The following ARHGAP25 variants were observed in gnomAD, a reference collection of about 807,000 sequenced individuals.
The protein encoded by ARHGAP25 is Rho GTPase activating protein 25.
In ARHGAP25, 34 loss-of-function variants were observed where a neutral mutation model predicts 71.0. The observed-to-expected ratio is 0.48, with a 90% CI of 0.36 to 0.64. The LOEUF (loss-of-function observed/expected upper bound fraction) is 0.64. Among genes scored for constraint, ARHGAP25 ranks in the 30% least tolerant of loss-of-function variants. The pLI is 0.00. For missense variants in ARHGAP25, 706 were observed against 805.1 expected, an observed-to-expected ratio of 0.88 and a Z score of 1.49; for synonymous variants, 282 against 296.5, an observed-to-expected ratio of 0.95 and a Z score of 0.50.
chr2:68,825,081 C>T (rs945110825), intron 10 of ARHGAP25, among the ~76,000 whole-genome samples: 2 of 152,202 alleles, frequency 1.3e-5, no homozygotes, highest in Non-Finnish European at 2.9e-5. Context: ...GGGCCAGTAA[C>T]GATTAAAATC....
At chr2:68,766,083 T>C (rs1558622260) in intron 1 of ARHGAP25, among the ~76,000 whole-genome samples, 2 of 152,236 alleles carry the variant, frequency 1.3e-5, no homozygotes, top group Non-Finnish European at 2.9e-5. Flanking sequence ...CTTATTTATT[T>C]ATGAATGCTA....
At chr2:68,792,936 T>C (rs1448437563) in intron 4 of ARHGAP25, among the ~76,000 whole-genome samples, 1 of 151,998 alleles carries the variant, frequency 6.6e-6, no homozygotes, top group Non-Finnish European at 1.5e-5. Context: ...CCGACATCTG[T>C]TATTTTTTTA....
chr2:68,711,579 T>A (rs1345380181), intron 2 of ARHGAP25, among the ~76,000 whole-genome samples: 1 of 152,182 alleles, frequency 6.6e-6, no homozygotes, highest in African/African-American at 2.4e-5. Flanking sequence ...TGTAGGTTTG[T>A]TACATAGGTA....
At chr2:68,743,763 C>T (rs1675655880) in intron 1 of ARHGAP25, among the ~76,000 whole-genome samples, 1 of 152,126 alleles carries the variant, frequency 6.6e-6, no homozygotes, top group African/African-American at 2.4e-5. Flanking sequence ...TCCTCATTCT[C>T]TTTCCCAGGT....
At chr2:68,800,546 T>G (rs1412027301) in intron 4 of ARHGAP25, among the ~76,000 whole-genome samples, 1 of 151,276 alleles carries the variant, frequency 6.6e-6, no homozygotes, top group African/African-American at 2.4e-5. Flanking sequence ...TGAGGGGAGG[T>G]GGGGCTGGCA....
At chr2:68,746,296 A>G (rs1171780289) in intron 1 of ARHGAP25, among the ~76,000 whole-genome samples, 2 of 152,146 alleles carry the variant, frequency 1.3e-5, no homozygotes, top group East Asian at 1.9e-4. Context: ...GTCTACCCAC[A>G]TCTTTATCTC....
At chr2:68,723,658 C>G (rs1468201512) in intron 2 of ARHGAP25, among the ~76,000 whole-genome samples, 1 of 152,230 alleles carries the variant, frequency 6.6e-6, no homozygotes, top group South Asian at 2.1e-4. Context: ...TCTTCTATCC[C>G]TAGTCCCAGC....
intron 1 of ARHGAP25, among the ~76,000 whole-genome samples, chr2:68,746,799 G>A (rs1675854396): frequency 6.6e-6 from 1 of 151,942 alleles, no homozygotes; most frequent in African/African-American, 2.4e-5. Context: ...CTGAGGTTGG[G>A]CGTTCGAGAC....
intron 2 of ARHGAP25, among the ~76,000 whole-genome samples, chr2:68,779,881 A>C (rs557715332): frequency 6.6e-6 from 1 of 152,342 alleles, no homozygotes; most frequent in Admixed American, 6.5e-5. Context: ...ATGAAGTTCA[A>C]GCCTCTCATG....
In ARHGAP25 at chr2:68,826,710, G is replaced by A. The variant is rs1682161844; in HGVS notation, c.*516G>A. The A allele has an allele frequency of 5.1e-6, 1 of 194,656 alleles. No homozygotes were observed. The highest frequency in any genetic ancestry group is 1.1e-5 in the Non-Finnish European group (1 of 92,218). The allele number at this position is 194,656 out of a possible 1,614,324, so 12.1% of individuals were successfully genotyped here. A position where few individuals can be genotyped will look rare whatever the true frequency, so the allele number is the denominator to read the frequency against. ...CCCCATTCTGCCACCCCACCAGGATGCCCATTCTCCAGGACTTCTCCAACT... is the reference window on the plus strand; with the variant it reads ...CCCCATTCTGCCACCCCACCAGGATACCCATTCTCCAGGACTTCTCCAACT... On this transcript the variant is annotated 3_prime_UTR_variant, in exon 11 of 11. Coordinates refer to ENST00000409202, the MANE Select transcript of ARHGAP25 (RefSeq NM_001007231.3).
intron 1 of ARHGAP25, among the ~76,000 whole-genome samples, chr2:68,748,971 A>C (rs1675998219): frequency 6.6e-6 from 1 of 152,148 alleles, no homozygotes; most frequent in Admixed American, 6.6e-5. Context: ...ATTAAACCTC[A>C]GTTTTGTAGT....
At chr2:68,799,920 C>G (rs17602973) in intron 4 of ARHGAP25, among the ~76,000 whole-genome samples, 38,231 of 152,118 alleles carry the variant, frequency 0.25, 5,132 homozygotes, top group Non-Finnish European at 0.28. Context: ...AGGCGTGAGT[C>G]TTCGGCCCTG....
chr2:68,807,314 C>T lies in ARHGAP25; in HGVS notation c.508C>T (p.Gln170Ter). The T allele has an allele frequency of 6.2e-7, 1 of 1,614,222 alleles. No homozygotes were observed. Among genetic ancestry groups the T allele is most frequent in the Non-Finnish European group, 8.5e-7 (1 of 1,180,036 alleles). Residue 170 changes from glutamine to a stop codon, truncating the protein, a stop_gained, in exon 5 of 11, where the codon CAG becomes TAG. Coordinates refer to ENST00000409202, the MANE Select transcript of ARHGAP25 (RefSeq NM_001007231.3). LOFTEE classifies it high-confidence loss of function. ...CTTGGATGAGACTGTGGCCTATGAA[C>T]AGAAATTCGGCCCCCATCTGGTGCC... ...QRLDETVAYE[Q>*]KFGPHLVPIL...
At chr2:68,812,876 A>T (rs577399723) in intron 5 of ARHGAP25, among the ~76,000 whole-genome samples, 5 of 152,320 alleles carry the variant, frequency 3.3e-5, no homozygotes, top group Admixed American at 3.3e-4. Context: ...TATTTTAAGC[A>T]CTCTGGAAGA....
chr2:68,717,318 C>G (rs778712941), intron 2 of ARHGAP25, among the ~76,000 whole-genome samples: 7 of 152,162 alleles, frequency 4.6e-5, no homozygotes, highest in Non-Finnish European at 1.5e-5. Flanking sequence ...CTGAATACAT[C>G]AAACCTTAGG....
At chr2:68,748,998 A>C (rs1225677674) in intron 1 of ARHGAP25, among the ~76,000 whole-genome samples, 1 of 152,134 alleles carries the variant, frequency 6.6e-6, no homozygotes, top group East Asian at 1.9e-4. Flanking sequence ...AGTTAGGTTT[A>C]GTGGGTAACT....
At position 68,807,495 on chromosome 2, in the gene ARHGAP25, T is replaced by C. The variant is rs1383511550; in HGVS notation, c.674+15T>C. 3 of 1,612,046 alleles carry C rather than the reference T, an allele frequency of 1.9e-6. No homozygotes were observed. Among genetic ancestry groups the C allele is most frequent in the Non-Finnish European group, 2.5e-6 (3 of 1,178,554 alleles). On this transcript the variant is annotated intron_variant, in intron 5 of 10. Coordinates refer to ENST00000409202, the MANE Select transcript of ARHGAP25 (RefSeq NM_001007231.3). ...TCCTTTGACAGGTACATTGCCCCAC[T>C]GCAGTGTCCCACCTCTGCCCTCCCC...
At chr2:68,783,182 A>G (rs1558634502) in intron 3 of ARHGAP25, among the ~76,000 whole-genome samples, 1 of 152,244 alleles carries the variant, frequency 6.6e-6, no homozygotes, top group Non-Finnish European at 1.5e-5. Flanking sequence ...CCTGGCACTT[A>G]CTATTTGTGT....
intron 7 of ARHGAP25, among the ~76,000 whole-genome samples, chr2:68,817,211 C>T (rs1225591925): frequency 2.6e-5 from 4 of 152,230 alleles, no homozygotes; most frequent in African/African-American, 4.8e-5. Flanking sequence ...CATTTGGACA[C>T]GTCACCAATA....
Sources: gnomAD v4.1 joint callset for allele counts (sites outside exome capture counted in the v4.1 genomes callset) on GRCh38, gnomAD v4.1.1 for gene constraint, MANE v1.5 for transcripts, NCBI Gene and HGNC (gene_info 2026-07-23, HGNC 2026-07-21) for gene names.